The following PCDHGA2 variants were observed in gnomAD, a reference collection of about 807,000 sequenced individuals.
PCDHGA2 encodes protocadherin gamma subfamily A, 2.
PCDHGA2 carries 40 observed loss-of-function variants against 59.2 expected under a neutral mutation model. The ratio of observed to expected loss-of-function variants is 0.68; its 90% confidence interval spans 0.52 to 0.88. The LOEUF is 0.88. Ranked by LOEUF, PCDHGA2 falls within the 40% of genes least tolerant of loss-of-function variation. PCDHGA2 has a pLI of 0.00. For missense variants in PCDHGA2, 1,226 were observed against 1,204.0 expected (o/e 1.02, Z -0.27); for synonymous variants, 560 against 526.0 (o/e 1.06, Z -0.89).
intron 1 of PCDHGA2, chr5:141,361,785 G>A: frequency 6.2e-7 from 1 of 1,613,268 alleles, no homozygotes; most frequent in Admixed American, 1.7e-5. Flanking sequence ...GCCTGCGCGT[G>A]TTAGTGGGCG....
At chr5:141,362,420 A>T in intron 1 of PCDHGA2, 1 of 1,614,046 alleles carries the variant, frequency 6.2e-7, no homozygotes, top group Non-Finnish European at 8.5e-7. Context: ...CAATCAGCCA[A>T]GACAGAGTTC....
chr5:141,485,344 C>G lies in PCDHGA2; in HGVS notation c.2425-9463C>G. On this transcript the variant is annotated intron_variant, in intron 1 of 3. Coordinates refer to ENST00000394576, the MANE Select transcript of PCDHGA2 (RefSeq NM_018915.4). This position sits in a 1 kb window ranked among gnomAD's most constrained non-coding sequence, Gnocchi z 5.7. ...CTCAAGATTTCCTGCTGGATACGGA[C>G]AGTCTGTCAGCTCGCAGGCTGCAGG... 6.2e-7 allele frequency: 1 copy of G among 1,614,116 alleles called. No individual in the cohort carries two copies. The highest frequency in any genetic ancestry group is 8.5e-7 in the Non-Finnish European group (1 of 1,180,004).
chr5:141,343,384 G>T, intron 1 of PCDHGA2: 1 of 981,926 alleles, frequency 1.0e-6, no homozygotes, highest in Non-Finnish European at 1.2e-6. Flanking sequence ...AAAGGTCAAA[G>T]AGGAGGTGGA....
intron 1 of PCDHGA2, chr5:141,415,066 C>G: frequency 6.2e-7 from 1 of 1,613,410 alleles, no homozygotes; most frequent in Non-Finnish European, 8.5e-7. Context: ...GGGCGAGGTG[C>G]GCACGGCGCG....
chr5:141,364,224 C>A (rs538812851), intron 1 of PCDHGA2: 2 of 1,356,132 alleles, frequency 1.5e-6, no homozygotes, highest in East Asian at 5.0e-5. Flanking sequence ...GAAAAGCCAA[C>A]GCTCCACGCC....
chr5:141,351,321 A>G, intron 1 of PCDHGA2: 1 of 1,613,890 alleles, frequency 6.2e-7, no homozygotes, highest in Non-Finnish European at 8.5e-7. Flanking sequence ...CAGATTCCAG[A>G]GGATTCAGAC....
At chr5:141,374,716 C>A (rs752741869) in intron 1 of PCDHGA2, 3 of 1,609,798 alleles carry the variant, frequency 1.9e-6, no homozygotes, top group African/African-American at 1.3e-5. Context: ...ACCGCCTGGT[C>A]CTTACTGCCA....
intron 1 of PCDHGA2, chr5:141,350,847 C>A: frequency 6.2e-7 from 1 of 1,614,046 alleles, no homozygotes; most frequent in Non-Finnish European, 8.5e-7. Context: ...CTGGAAAAAC[C>A]TCTAGACAGG....
chr5:141,389,990 C>CTCA (rs1156236363), intron 1 of PCDHGA2: 4 of 1,614,044 alleles, frequency 2.5e-6, no homozygotes, highest in Non-Finnish European at 2.5e-6. Flanking sequence ...TGCTCTTCCT[C>CTCA]GTGGCCATGA....
chr5:141,409,818 C>T (rs1027344375), intron 1 of PCDHGA2: 2 of 1,610,918 alleles, frequency 1.2e-6, no homozygotes, highest in Non-Finnish European at 1.7e-6. Context: ...GACCACGGCT[C>T]GCCCACGCTC....
chr5:141,357,215 T>C (rs566972487), intron 1 of PCDHGA2: 86 of 1,613,818 alleles, frequency 5.3e-5, no homozygotes, highest in Non-Finnish European at 7.6e-6. Context: ...CCAGATGTCC[T>C]GGCTGACTTG....
intron 1 of PCDHGA2, chr5:141,362,465 C>G: frequency 1.2e-6 from 2 of 1,614,054 alleles, no homozygotes; most frequent in Non-Finnish European, 1.7e-6. Context: ...TTGGTTCCCG[C>G]GCAAGATCTC....
intron 1 of PCDHGA2, chr5:141,350,106 T>C: frequency 1.9e-6 from 1 of 524,158 alleles, no homozygotes; most frequent in Non-Finnish European, 3.0e-6. Flanking sequence ...GGTGCCTTCC[T>C]GCTTTGTCCG....
At chr5:141,449,588 CAAAA>C (rs768743917) in intron 1 of PCDHGA2, among the ~76,000 whole-genome samples, 2 of 57,488 alleles carry the variant, frequency 3.5e-5, no homozygotes, top group Non-Finnish European at 3.7e-5. Flanking sequence ...GACTCTGTCT[CAAAA>C]AAAAAAAAAA....
At chr5:141,415,314 C>A (rs375384840) in intron 1 of PCDHGA2, 1 of 1,614,238 alleles carries the variant, frequency 6.2e-7, no homozygotes, top group Non-Finnish European at 8.5e-7. Context: ...CCTTCGTCAT[C>A]GTGCTGCTGG....
At chr5:141,353,398 T>C (rs1420733789) in intron 1 of PCDHGA2, among the ~76,000 whole-genome samples, 1 of 152,248 alleles carries the variant, frequency 6.6e-6, no homozygotes. Context: ...ATGTAATTAA[T>C]GTAATCTTCA....
intron 1 of PCDHGA2, among the ~76,000 whole-genome samples, chr5:141,373,541 T>A (rs1769670522): frequency 6.6e-6 from 1 of 152,216 alleles, no homozygotes. Context: ...TGTTTGTGGT[T>A]GTTGGTACCC....
At chr5:141,346,193 C>T (rs899555613) in intron 1 of PCDHGA2, 9 of 1,613,982 alleles carry the variant, frequency 5.6e-6, no homozygotes, top group Non-Finnish European at 7.6e-6. Context: ...GGCGCTGGCA[C>T]AAGTCACGCC....
chr5:141,351,502 C>A (rs754605719), intron 1 of PCDHGA2: 8 of 1,614,010 alleles, frequency 5.0e-6, no homozygotes, highest in Non-Finnish European at 6.8e-6. Context: ...CAGCAGACTA[C>A]AACGTCACAA....
Sources: allele counts gnomAD v4.1 joint callset (sites outside exome capture counted in the v4.1 genomes callset), GRCh38; gene constraint gnomAD v4.1.1; non-coding constraint Gnocchi (gnomAD v3.1); transcripts MANE v1.5; gene names NCBI Gene and HGNC (gene_info 2026-07-23, HGNC 2026-07-21).